Variants in ELAVL4 observed in about 807,000 individuals in gnomAD.
ELAVL4 encodes ELAV like RNA binding protein 4.
ELAVL4 carries 1 observed loss-of-function variant against 35.6 expected under a neutral mutation model. That is an observed-to-expected ratio of 0.03 (90% CI 0.01 to 0.13). ELAVL4 has a LOEUF of 0.13. Ranked by LOEUF, ELAVL4 falls within the 10% of genes least tolerant of loss-of-function variation. The probability of loss-of-function intolerance (pLI) is 1.00; values close to 1 mark genes in which losing one functional copy is unlikely to be tolerated. For missense variants in ELAVL4, 267 were observed against 464.9 expected (o/e 0.57, Z 3.91); for synonymous variants, 156 against 171.0 (o/e 0.91, Z 0.69).
At chr1:50,174,623 T>C (rs1439231028) in intron 2 of ELAVL4, 1 of 152,138 alleles carries the variant, frequency 6.6e-6, no homozygotes, top group Non-Finnish European at 1.5e-5. Flanking sequence ...GATTTGGGAC[T>C]GATAGAAGCA....
chr1:50,160,685 C>T (rs1452031587), intron 2 of ELAVL4, among the ~76,000 whole-genome samples: 1 of 152,194 alleles, frequency 6.6e-6, no homozygotes, highest in Non-Finnish European at 1.5e-5. Flanking sequence ...ATTTGGCATC[C>T]TGACTTATCT....
At chr1:50,194,797 G>A (rs1332382146) in intron 4 of ELAVL4, among the ~76,000 whole-genome samples, 7 of 152,190 alleles carry the variant, frequency 4.6e-5, no homozygotes, top group Non-Finnish European at 8.8e-5. Context: ...AGGAGGCAAT[G>A]TTTGAATAGG....
upstream of ELAVL4, among the ~76,000 whole-genome samples, chr1:50,104,341 A>G (rs1666147866): frequency 6.6e-6 from 1 of 152,226 alleles, no homozygotes; most frequent in South Asian, 2.1e-4. Context: ...GAAGAAAGTG[A>G]CATTTTTTAA....
chr1:50,084,601 A>G (rs556746554), intron 1 of ELAVL4, among the ~76,000 whole-genome samples: 1 of 152,154 alleles, frequency 6.6e-6, no homozygotes, highest in African/African-American at 2.4e-5. Context: ...TCTGTCTTGT[A>G]TGCCACACTC....
chr1:50,177,017 GCTCTCT>G, intron 2 of ELAVL4, 66 bp from the exon 3 acceptor site: 2 of 1,184,854 alleles, frequency 1.7e-6, no homozygotes, highest in Non-Finnish European at 2.4e-6. Context: ...TACTGAGCAT[GCTCTCT>G]CTCTCTCTCT....
At chr1:50,069,245 T>G (rs1007208726) in intron 1 of ELAVL4, among the ~76,000 whole-genome samples, 2 of 152,226 alleles carry the variant, frequency 1.3e-5, no homozygotes, top group African/African-American at 4.8e-5. Context: ...CCTCATTCTC[T>G]GTGAGGTCTT....
intron 1 of ELAVL4, among the ~76,000 whole-genome samples, chr1:50,064,998 GA>G (rs1664189975): frequency 6.6e-6 from 1 of 152,090 alleles, no homozygotes; most frequent in Non-Finnish European, 1.5e-5. Flanking sequence ...TCAGTAAGTG[GA>G]ACTGTCGGCT....
intron 1 of ELAVL4, among the ~76,000 whole-genome samples, chr1:50,092,614 A>G (rs1316315256): frequency 3.3e-5 from 5 of 152,188 alleles, no homozygotes; most frequent in African/African-American, 4.8e-5. Flanking sequence ...TATTCTGCCC[A>G]TGTTTTCATC....
intron 3 of ELAVL4, among the ~76,000 whole-genome samples, chr1:50,184,398 CAAAAAAAAA>C (rs33990892): frequency 7.0e-6 from 1 of 141,926 alleles, no homozygotes. Flanking sequence ...TGAGCTGCTT[CAAAAAAAAA>C]AAAAAAATCA....
intron 1 of ELAVL4, among the ~76,000 whole-genome samples, chr1:50,075,480 G>T (rs1034091072): frequency 2.6e-5 from 4 of 152,168 alleles, no homozygotes; most frequent in African/African-American, 9.6e-5. Context: ...TACTGAAGAG[G>T]AAGGAGAAGG....
intron 1 of ELAVL4, among the ~76,000 whole-genome samples, chr1:50,142,489 C>T (rs1672991438): frequency 6.6e-6 from 1 of 152,192 alleles, no homozygotes. Context: ...AGGTGTGAGC[C>T]ACCGCACCTG....
At chr1:50,141,254 G>C (rs529787762) in intron 1 of ELAVL4, among the ~76,000 whole-genome samples, 1 of 152,120 alleles carries the variant, frequency 6.6e-6, no homozygotes, top group Non-Finnish European at 1.5e-5. Context: ...AAGCTGCCTT[G>C]GTGTGGGATA....
chr1:50,189,114 AT>A (rs1381207679), intron 3 of ELAVL4, among the ~76,000 whole-genome samples: 1 of 152,188 alleles, frequency 6.6e-6, no homozygotes, highest in Admixed American at 6.5e-5. Flanking sequence ...GCTAAAAAGG[AT>A]GCCTTTTCCC....
At chr1:50,048,275 C>A in intron 1 of ELAVL4, 1 of 1,380,450 alleles carries the variant, frequency 7.2e-7, no homozygotes, top group South Asian at 1.6e-5. Context: ...ACTGGCTTCT[C>A]CCAGCGGCCA....
At position 50,176,629 on chromosome 1, in the gene ELAVL4, G is replaced by A. The variant is rs1680083126; in HGVS notation, c.251-460G>A. Among the ~76,000 whole-genome samples the A allele has an allele frequency of 7.9e-5, 12 of 152,348 alleles. No individual in the cohort carries two copies. The South Asian group carries it at 2.3e-3, about 29-fold the overall frequency. ...TCTCTCAAACCTACCTGAGGTAAGT[G>A]CTGTTATCTCCAGAACAGAGATTGG... is the stretch of plus-strand genomic sequence containing the variant. On this transcript the variant is annotated intron_variant, in intron 2 of 6. Coordinates refer to ENST00000371824, the MANE Select transcript of ELAVL4 (RefSeq NM_001144774.3).
At chr1:50,187,061 G>A (rs927192160) in intron 3 of ELAVL4, among the ~76,000 whole-genome samples, 1 of 152,152 alleles carries the variant, frequency 6.6e-6, no homozygotes, top group African/African-American at 2.4e-5. Flanking sequence ...TTCCTAGAAG[G>A]CCCTGGCAGC....
intron 2 of ELAVL4, among the ~76,000 whole-genome samples, chr1:50,166,123 T>C (rs1169688012): frequency 6.6e-6 from 1 of 152,066 alleles, no homozygotes; most frequent in East Asian, 1.9e-4. Flanking sequence ...TAATCTCTTT[T>C]GGCAACACCC....
chr1:50,185,809 C>G (rs879515357), intron 3 of ELAVL4, among the ~76,000 whole-genome samples: 3 of 152,124 alleles, frequency 2.0e-5, no homozygotes, highest in Non-Finnish European at 4.4e-5. Flanking sequence ...ATTCGGGCAA[C>G]ATATATAAAA....
chr1:50,119,002 GAGAA>G (rs1269910570), intron 1 of ELAVL4, among the ~76,000 whole-genome samples: 4 of 138,960 alleles, frequency 2.9e-5, no homozygotes, highest in African/African-American at 8.0e-5. Flanking sequence ...GAGAGACAGA[GAGAA>G]AGAAAGAAAA....
Sources: allele counts gnomAD v4.1 joint callset (sites outside exome capture counted in the v4.1 genomes callset), GRCh38; gene constraint gnomAD v4.1.1; transcripts MANE v1.5; gene names NCBI Gene and HGNC (gene_info 2026-07-23, HGNC 2026-07-21).